TGFBR1: variants seen among roughly 807,000 people sequenced by gnomAD.
TGFBR1 encodes TGF-beta receptor type-1.
Under a neutral mutation model 55.1 loss-of-function variants are expected in TGFBR1, and 20 were observed. That is an observed-to-expected ratio of 0.36 (90% CI 0.26 to 0.53). The LOEUF is 0.53. Ranked by LOEUF, TGFBR1 falls within the 20% of genes least tolerant of loss-of-function variation. The probability of loss-of-function intolerance (pLI) is 0.91; values close to 1 mark genes in which losing one functional copy is unlikely to be tolerated. For synonymous variants in TGFBR1, 220 were observed against 214.8 expected (o/e 1.02, Z -0.21); for missense variants, 385 against 617.6 (o/e 0.62, Z 3.99).
intron 2 of TGFBR1, among the ~76,000 whole-genome samples, chr9:99,131,528 A>G (rs1827223422): frequency 6.6e-6 from 1 of 152,226 alleles, no homozygotes; most frequent in South Asian, 2.1e-4. Flanking sequence ...TAATTTTCTG[A>G]AACAACCAGA....
chr9:99,145,758 C>CA (rs1337859241), intron 6 of TGFBR1: 1 of 152,324 alleles, frequency 6.6e-6, no homozygotes, highest in African/African-American at 2.4e-5. Context: ...CACAAGCTGT[C>CA]ACAGCATTTT....
At chr9:99,143,361 G>T (rs10283455) in intron 5 of TGFBR1, among the ~76,000 whole-genome samples, 26,097 of 152,184 alleles carry the variant, frequency 0.17, 2,366 homozygotes, top group Non-Finnish European at 0.2. Context: ...CAACATGCTA[G>T]GTAACTGTTA....
chr9:99,132,106 A>G (rs1449327321), intron 2 of TGFBR1, among the ~76,000 whole-genome samples: 2 of 151,740 alleles, frequency 1.3e-5, no homozygotes, highest in African/African-American at 2.4e-5. Flanking sequence ...TGCTATGAGC[A>G]TGTACTGGCC....
At position 99,147,712 on chromosome 9, in the gene TGFBR1, T is replaced by C. The variant is rs770604680; in HGVS notation, c.1314T>C (p.Val438=). The part of the protein sequence containing the change: ...YYDLVPSDPS[V]EEMRKVVCEQ... The stretch of plus-strand genomic sequence containing the variant: ...ATCTTGTACCTTCTGACCCATCAGT[T>C]GAAGAAATGAGAAAAGTTGTTTGTG... Residue 438 remains valine, a synonymous_variant, in exon 8 of 9, where the codon GTT becomes GTC. Transcript: ENST00000374994. 6.2e-7 allele frequency: 1 copy of C among 1,613,796 alleles called. No homozygotes were observed. The highest frequency in any genetic ancestry group is 1.3e-5 in the African/African-American group (1 of 75,024).
chr9:99,114,042 A>G (rs1309166826), intron 1 of TGFBR1, among the ~76,000 whole-genome samples: 2 of 152,194 alleles, frequency 1.3e-5, no homozygotes, highest in African/African-American at 4.8e-5. Flanking sequence ...GTTTTAGCCA[A>G]ATATAGTCTA....
chr9:99,135,062 G>A (rs1274010873), intron 3 of TGFBR1, among the ~76,000 whole-genome samples: 1 of 151,896 alleles, frequency 6.6e-6, no homozygotes, highest in Non-Finnish European at 1.5e-5. Flanking sequence ...GTTCAAGCAA[G>A]ACAAAATGTT....
At chr9:99,126,210 G>T (rs1827036565) in intron 1 of TGFBR1, among the ~76,000 whole-genome samples, 1 of 152,156 alleles carries the variant, frequency 6.6e-6, no homozygotes, top group Admixed American at 6.5e-5. Flanking sequence ...TGAGAGGTGT[G>T]TGGCCCTAGA....
At chr9:99,116,518 A>T (rs1449471459) in intron 1 of TGFBR1, among the ~76,000 whole-genome samples, 1 of 152,208 alleles carries the variant, frequency 6.6e-6, no homozygotes, top group African/African-American at 2.4e-5. Flanking sequence ...ACCATTCTAA[A>T]CTATTATCTA....
chr9:99,147,889 T>C, intron 8 of TGFBR1, 105 bp downstream of exon 8: 1 of 1,384,852 alleles, frequency 7.2e-7, no homozygotes. Flanking sequence ...AAGAATTTTC[T>C]TTTTCATAGC....
intron 1 of TGFBR1, among the ~76,000 whole-genome samples, chr9:99,121,082 A>G (rs1285359678): frequency 7.2e-5 from 11 of 152,244 alleles, no homozygotes; most frequent in Admixed American, 7.2e-4. Flanking sequence ...TGTGGGTTAA[A>G]TGATAAACAA....
chr9:99,139,725 T>G (rs1295289379), intron 4 of TGFBR1, among the ~76,000 whole-genome samples: 1 of 152,252 alleles, frequency 6.6e-6, no homozygotes, highest in African/African-American at 2.4e-5. Context: ...TATAATTGTC[T>G]CCTATTAAAA....
intron 1 of TGFBR1, among the ~76,000 whole-genome samples, chr9:99,126,347 G>GCAAT (rs1827042496): frequency 6.6e-6 from 1 of 152,096 alleles, no homozygotes; most frequent in African/African-American, 2.4e-5. Flanking sequence ...AGTATTCAGG[G>GCAAT]CAATATTTTT....
At position 99,149,150 on chromosome 9, in the gene TGFBR1, A is replaced by G. The variant is rs200820212; in HGVS notation, c.1387-30A>G. The G allele has an allele frequency of 1.4e-5, 22 of 1,557,392 alleles. 1 individual carries two copies. In the South Asian group the frequency reaches 2.5e-4, roughly 17 times the overall value. On this transcript the variant is annotated intron_variant, in intron 8 of 8. Coordinates refer to ENST00000374994, the MANE Select transcript of TGFBR1 (RefSeq NM_004612.4). ...CAGACCAATGGAAAATGGTGCATGC[A>G]TTAATTTTTTTTTTTATATTTTCTT...
chr9:99,119,868 A>G (rs1826848267), intron 1 of TGFBR1, among the ~76,000 whole-genome samples: 1 of 152,320 alleles, frequency 6.6e-6, no homozygotes, highest in South Asian at 2.1e-4. Flanking sequence ...TTGTATATGC[A>G]TATGGTTTAT....
At chr9:99,143,671 T>G (rs1343988889) in intron 5 of TGFBR1, among the ~76,000 whole-genome samples, 1 of 152,208 alleles carries the variant, frequency 6.6e-6, no homozygotes, top group Non-Finnish European at 1.5e-5. Flanking sequence ...ATTCACATCA[T>G]AAAGTTCACC....
chr9:99,105,242 C>T lies in TGFBR1; in HGVS notation c.37C>T (p.Leu13Phe). ...AAVAAPRPRL[L>F]LLVLAAAAAA... ...GGTCGCTGCTCCGCGTCCCCGGCTG[C>T]TCCTCCTCGTGCTGGCGGCGGCGGC... is the stretch of plus-strand genomic sequence containing the variant. The change falls in exon 1 of 9, where the codon CTC (leucine) becomes TTC (phenylalanine). Residue 13 changes from leucine (L) to phenylalanine (F), a missense_variant. Around this residue, in one of 5 missense-constraint regions of TGFBR1, gnomAD observed 37 missense variants for 40.2 expected, o/e 0.92. Coordinates refer to ENST00000374994, the MANE Select transcript of TGFBR1 (RefSeq NM_004612.4). The T allele has an allele frequency of 9.3e-7, 1 of 1,070,510 alleles. No individual in the cohort carries two copies. Among genetic ancestry groups the T allele is most frequent in the Non-Finnish European group, 1.1e-6 (1 of 888,740 alleles). 66.3% of individuals were successfully genotyped at this position (1,070,510 alleles called of 1,614,324 possible).
Position 99,151,551 on chromosome 9 carries a change from G to T in TGFBR1, c.*2246G>T, listed in dbSNP as rs552650250. On this transcript the variant is annotated 3_prime_UTR_variant, in exon 9 of 9. Coordinates refer to ENST00000374994, the MANE Select transcript of TGFBR1 (RefSeq NM_004612.4). ...TGTCTGATTTAAAGTTGTAATACATGATTTCTCACTTTCATGTAAGGTTAT... is the reference window on the plus strand; with the variant it reads ...TGTCTGATTTAAAGTTGTAATACATTATTTCTCACTTTCATGTAAGGTTAT... 1 of 229,906 alleles carries T rather than the reference G, an allele frequency of 4.3e-6. No homozygotes were observed. Among genetic ancestry groups the T allele is most frequent in the Non-Finnish European group, 8.6e-6 (1 of 115,944 alleles). The allele number at this position is 229,906 out of a possible 1,614,324, so 14.2% of individuals were successfully genotyped here.
chr9:99,134,803 TATATATATATATATATA>T, intron 3 of TGFBR1, among the ~76,000 whole-genome samples: 1 of 25,570 alleles, frequency 3.9e-5, no homozygotes, highest in Admixed American at 5.5e-4. Flanking sequence ...CTGTTTCCAT[TATATATATATATATATA>T]TATATATATA....
chr9:99,129,395 T>C (rs1827146530), intron 2 of TGFBR1, among the ~76,000 whole-genome samples: 1 of 152,248 alleles, frequency 6.6e-6, no homozygotes, highest in South Asian at 2.1e-4. Context: ...AGATTGTCTC[T>C]ACTTTGTTCT....
Sources: allele counts gnomAD v4.1 joint callset (sites outside exome capture counted in the v4.1 genomes callset), GRCh38; gene constraint gnomAD v4.1.1; regional missense constraint gnomAD v4.1.1; transcripts MANE v1.5; gene names NCBI Gene and HGNC (gene_info 2026-07-23, HGNC 2026-07-21).